The following CCDC3 variants were observed in gnomAD, a reference collection of about 807,000 sequenced individuals.
CCDC3 encodes the protein coiled-coil domain containing 3.
A neutral mutation model predicts 21.4 loss-of-function variants in CCDC3; 24 were observed. The ratio of observed to expected loss-of-function variants is 1.12; its 90% CI spans 0.81 to 1.58. The LOEUF (loss-of-function observed/expected upper bound fraction) is 1.58, where lower values mean the gene tolerates loss of function less well. Ranked by LOEUF, CCDC3 falls within the 40% of genes most tolerant of loss-of-function variation. The pLI is 0.00. For missense variants in CCDC3, 425 were observed against 360.9 expected (o/e 1.18, Z -1.44); for synonymous variants, 186 against 166.0 (o/e 1.12, Z -0.93).
At chr10:13,060,758 G>A (rs1485892852) in intron 4 of CCDC3, among the ~76,000 whole-genome samples, 1 of 151,998 alleles carries the variant, frequency 6.6e-6, no homozygotes, top group Admixed American at 6.6e-5. Context: ...CTCCCTCTTC[G>A]GCCTCCCAAA....
At chr10:12,990,150 G>A (rs923591096) in intron 2 of CCDC3, among the ~76,000 whole-genome samples, 2 of 151,856 alleles carry the variant, frequency 1.3e-5, no homozygotes, top group African/African-American at 4.8e-5. Flanking sequence ...TACAGGCCTC[G>A]GGAGGCTGAG....
In CCDC3 at chr10:13,043,995, T is replaced by G. The variant is rs545777495; in HGVS notation, c.-2+5679A>C. ...TCAACAGTAAATAAGCATTCCCTTT[T>G]CTCTGAAGCCTCACTAGCATCTGTT... On this transcript the variant is annotated intron_variant, in intron 5 of 6. Coordinates refer to the CCDC3 transcript ENST00000378839. 7.5e-5 allele frequency among the ~76,000 whole-genome samples: 11 copies of G among 146,942 alleles called. No homozygotes were observed. The East Asian group carries it at 2.2e-3, about 30-fold the overall frequency.
At chr10:13,007,218 T>C (rs1232048773) in intron 5 of CCDC3, among the ~76,000 whole-genome samples, 2 of 152,170 alleles carry the variant, frequency 1.3e-5, no homozygotes, top group Admixed American at 6.5e-5. Flanking sequence ...TGGAATGTAG[T>C]TGGCAGGTGG....
At chr10:13,017,284 AGGTG>A (rs1836076737) in intron 5 of CCDC3, among the ~76,000 whole-genome samples, 1 of 151,924 alleles carries the variant, frequency 6.6e-6, no homozygotes, top group Non-Finnish European at 1.5e-5. Flanking sequence ...TGGGAGGCCG[AGGTG>A]GGCGGATCAC....
intron 2 of CCDC3, among the ~76,000 whole-genome samples, chr10:12,994,417 A>AC (rs58786684): frequency 0.25 from 37,929 of 150,902 alleles, 5,173 homozygotes; most frequent in East Asian, 0.31. Context: ...ACAAAACAAA[A>AC]AAAAAAAACA....
chr10:12,981,035 T>G (rs1835488859), intron 2 of CCDC3, among the ~76,000 whole-genome samples: 1 of 151,846 alleles, frequency 6.6e-6, no homozygotes, highest in Non-Finnish European at 1.5e-5. Context: ...TTATGGAAGA[T>G]TAGACTTTTT....
intron 2 of CCDC3, among the ~76,000 whole-genome samples, chr10:12,954,590 A>G (rs978955484): frequency 1.3e-5 from 2 of 152,178 alleles, no homozygotes; most frequent in Non-Finnish European, 2.9e-5. Context: ...ATGGTGAGAG[A>G]GAAAGCAAGA....
intron 2 of CCDC3, among the ~76,000 whole-genome samples, chr10:12,948,921 C>T (rs529526773): frequency 6.6e-6 from 1 of 151,656 alleles, no homozygotes; most frequent in East Asian, 1.9e-4. Flanking sequence ...TTAGTACAGA[C>T]AGGGTTTTAC....
chr10:13,090,225 A>G (rs1328507884), intron 3 of CCDC3, among the ~76,000 whole-genome samples: 5 of 150,724 alleles, frequency 3.3e-5, no homozygotes, highest in African/African-American at 4.9e-5. Flanking sequence ...AGTAGCTGGG[A>G]CTACAGGTGC....
chr10:13,058,400 G>A, intron 4 of CCDC3: 1 of 874,954 alleles, frequency 1.1e-6, no homozygotes, highest in South Asian at 1.3e-5. Context: ...AGCGTAATTT[G>A]TCAGGCCAAC....
chr10:12,979,086 G>A (rs1346312691), intron 2 of CCDC3, among the ~76,000 whole-genome samples: 11 of 152,060 alleles, frequency 7.2e-5, no homozygotes, highest in Admixed American at 7.2e-4. Context: ...TTGCTCACAA[G>A]GAAATTCCTC....
chr10:13,027,720 T>A (rs7920457), intron 5 of CCDC3, among the ~76,000 whole-genome samples: 9 of 144,170 alleles, frequency 6.2e-5, no homozygotes, highest in East Asian at 2.0e-4. Flanking sequence ...CAAAAAAAAT[T>A]AAAAAAAAAA....
intron 2 of CCDC3, among the ~76,000 whole-genome samples, chr10:12,997,449 A>G (rs1835779696): frequency 6.6e-6 from 1 of 152,160 alleles, no homozygotes; most frequent in Non-Finnish European, 1.5e-5. Context: ...ATGATCATCA[A>G]AATGTTCCTC....
chr10:13,018,600 A>G (rs1251128147), intron 5 of CCDC3, among the ~76,000 whole-genome samples: 1 of 152,072 alleles, frequency 6.6e-6, no homozygotes, highest in African/African-American at 2.4e-5. Flanking sequence ...ATCTCACAGG[A>G]TTTTCGTCTT....
intron 5 of CCDC3, among the ~76,000 whole-genome samples, chr10:13,031,612 G>A (rs1836302844): frequency 6.6e-6 from 1 of 151,110 alleles, no homozygotes; most frequent in Non-Finnish European, 1.5e-5. Flanking sequence ...GACTAATAAA[G>A]AAGAGAGAAG....
intron 3 of CCDC3, among the ~76,000 whole-genome samples, chr10:13,085,826 G>A (rs574134091): frequency 5.3e-4 from 80 of 152,246 alleles, no homozygotes; most frequent in African/African-American, 1.9e-3. Flanking sequence ...AATTAGCTAG[G>A]TGTGGTGGTA....
intron 5 of CCDC3, among the ~76,000 whole-genome samples, chr10:13,007,076 G>T (rs1835932821): frequency 6.6e-6 from 1 of 152,082 alleles, no homozygotes; most frequent in Admixed American, 6.5e-5. Flanking sequence ...CTTTTCGATG[G>T]CATCATCCTG....
chr10:12,928,870 C>A (rs1407494462), intron 2 of CCDC3, among the ~76,000 whole-genome samples: 1 of 152,150 alleles, frequency 6.6e-6, no homozygotes, highest in Non-Finnish European at 1.5e-5. Flanking sequence ...GGTGTCTGTC[C>A]CTCTGACACA....
At chr10:13,048,070 GTAAC>G (rs1327509441) in intron 5 of CCDC3, among the ~76,000 whole-genome samples, 3 of 152,198 alleles carry the variant, frequency 2.0e-5, no homozygotes, top group Admixed American at 1.3e-4. Flanking sequence ...GGTGAATTGA[GTAAC>G]TATCTGCGGG....
Sources: gnomAD v4.1 joint callset for allele counts (sites outside exome capture counted in the v4.1 genomes callset) on GRCh38, gnomAD v4.1.1 for gene constraint, MANE v1.5 for transcripts, NCBI Gene and HGNC (gene_info 2026-07-23, HGNC 2026-07-21) for gene names.